The following TBC1D22A variants were observed in gnomAD, a reference collection of about 807,000 sequenced individuals.
TBC1D22A encodes the protein putative GTPase activator.
Under a neutral mutation model 60.2 loss-of-function variants are expected in TBC1D22A, and 38 were observed. The observed-to-expected ratio is 0.63, with a 90% CI of 0.49 to 0.83. TBC1D22A has a LOEUF of 0.83. TBC1D22A is among the 40% of genes least tolerant of loss of function. TBC1D22A has a pLI of 0.00. For synonymous variants in TBC1D22A, 302 were observed against 281.7 expected, an observed-to-expected ratio of 1.07 and a Z score of -0.72; for missense variants, 628 against 701.0, an observed-to-expected ratio of 0.90 and a Z score of 1.18.
At chr22:47,135,243 A>C (rs751682045) in intron 12 of TBC1D22A, among the ~76,000 whole-genome samples, 4 of 152,088 alleles carry the variant, frequency 2.6e-5, no homozygotes, top group Non-Finnish European at 5.9e-5. Context: ...GCTTCCCGTC[A>C]TCCCAGTTAA....
In TBC1D22A at chr22:46,848,056, G is replaced by A. The variant is rs2087102059; in HGVS notation, c.638-30597G>A. On this transcript the variant is annotated intron_variant, in intron 4 of 12. Transcript: ENST00000337137. ...TCTGGGTGACATTCCTTCTTAGAAG[G>A]GAGGGGTTGGGAAACTATTAAATAG... Among the ~76,000 whole-genome samples the A allele has an allele frequency of 4.0e-5, 6 of 151,068 alleles. No individual in the cohort carries two copies. In the South Asian group the frequency reaches 1.2e-3, roughly 31 times the overall value.
chr22:47,124,608 G>A (rs994274772), intron 12 of TBC1D22A, among the ~76,000 whole-genome samples: 2 of 152,236 alleles, frequency 1.3e-5, no homozygotes, highest in Non-Finnish European at 2.9e-5. Flanking sequence ...AGCTGGGCAC[G>A]GGGTGCTGCC....
At chr22:46,771,235 C>T (rs1056028039) in intron 1 of TBC1D22A, among the ~76,000 whole-genome samples, 2 of 152,164 alleles carry the variant, frequency 1.3e-5, no homozygotes, top group African/African-American at 4.8e-5. Flanking sequence ...GGAAGTACCC[C>T]ATCGCCTCCA....
At chr22:46,974,767 G>A (rs980525654) in intron 9 of TBC1D22A, among the ~76,000 whole-genome samples, 5 of 152,212 alleles carry the variant, frequency 3.3e-5, no homozygotes, top group Admixed American at 6.5e-5. Context: ...GCCTCAGATC[G>A]GGGGCCACAG....
intron 12 of TBC1D22A, among the ~76,000 whole-genome samples, chr22:47,170,419 A>G (rs2068386350): frequency 6.6e-6 from 1 of 152,244 alleles, no homozygotes; most frequent in South Asian, 2.1e-4. Flanking sequence ...CATCCATGTA[A>G]GTTGCATCTA....
chr22:47,053,953 C>T (rs1005038823), intron 11 of TBC1D22A, among the ~76,000 whole-genome samples: 1 of 152,240 alleles, frequency 6.6e-6, no homozygotes, highest in Non-Finnish European at 1.5e-5. Context: ...GGGGCTATCA[C>T]TTCTCTGTTG....
In TBC1D22A at chr22:46,955,987, A is replaced by G. The variant is rs540320887; in HGVS notation, c.1016-18303A>G. 1.4e-4 allele frequency among the ~76,000 whole-genome samples: 22 copies of G among 152,356 alleles called. No homozygotes were observed. In the East Asian group the frequency reaches 3.9e-3, roughly 27 times the overall value. On this transcript the variant is annotated intron_variant, in intron 8 of 12. Transcript: ENST00000337137. ...AAGTTTAAAGCCATTGGGTACATTG[A>G]TTTCTGTGTCGCCCTAAACATGATT...
At chr22:47,001,012 G>T (rs1252288377) in intron 10 of TBC1D22A, among the ~76,000 whole-genome samples, 2 of 152,134 alleles carry the variant, frequency 1.3e-5, no homozygotes, top group Admixed American at 6.5e-5. Context: ...TCCCAAAGCT[G>T]GTTGTGGTTT....
intron 7 of TBC1D22A, among the ~76,000 whole-genome samples, chr22:46,908,307 G>T (rs974783113): frequency 6.6e-6 from 1 of 152,126 alleles, no homozygotes; most frequent in East Asian, 1.9e-4. Context: ...TGTGGGGTCC[G>T]CAGGTCTCCC....
chr22:47,145,396 G>A (rs375666447), intron 12 of TBC1D22A, among the ~76,000 whole-genome samples: 1 of 152,204 alleles, frequency 6.6e-6, no homozygotes, highest in Admixed American at 6.5e-5. Flanking sequence ...CCTCGGCCCA[G>A]AGTCCTTCTT....
At chr22:46,941,663 C>CGCGGAATATATATACGGAATATATATAT (rs2072117177) in intron 8 of TBC1D22A, among the ~76,000 whole-genome samples, 1 of 58,610 alleles carries the variant, frequency 1.7e-5, no homozygotes, top group African/African-American at 6.5e-5. Flanking sequence ...AATATATATA[C>CGCGGAATATATATACGGAATATATATAT]GCGGAATATA....
intron 11 of TBC1D22A, among the ~76,000 whole-genome samples, chr22:47,052,535 G>A (rs2063259702): frequency 6.6e-6 from 1 of 152,170 alleles, no homozygotes; most frequent in Admixed American, 6.5e-5. Flanking sequence ...ACAGTGGGGA[G>A]GGGACTCGCC....
At chr22:46,915,211 T>C (rs1477983783) in intron 8 of TBC1D22A, 2 of 356,684 alleles carry the variant, frequency 5.6e-6, no homozygotes, top group Non-Finnish European at 1.1e-5. Context: ...GTGGATGAGA[T>C]TGGAGGGTTT....
At chr22:47,118,027 G>A (rs1023971238) in intron 12 of TBC1D22A, among the ~76,000 whole-genome samples, 6 of 152,160 alleles carry the variant, frequency 3.9e-5, no homozygotes, top group Admixed American at 1.3e-4. Flanking sequence ...GGAAGCTGAG[G>A]TAAGAGAATC....
At chr22:47,044,198 G>A (rs764052723) in intron 11 of TBC1D22A, among the ~76,000 whole-genome samples, 2 of 152,178 alleles carry the variant, frequency 1.3e-5, no homozygotes, top group Admixed American at 6.5e-5. Flanking sequence ...GCCTCTGTCC[G>A]GTGCCGTGCT....
chr22:47,076,868 A>G (rs1392372326), intron 11 of TBC1D22A, among the ~76,000 whole-genome samples: 1 of 152,190 alleles, frequency 6.6e-6, no homozygotes, highest in Admixed American at 6.5e-5. Context: ...GGTGGCACAC[A>G]TCTTGATGCT....
At chr22:46,769,806 A>G (rs529813500) in intron 1 of TBC1D22A, among the ~76,000 whole-genome samples, 1 of 152,142 alleles carries the variant, frequency 6.6e-6, no homozygotes. Flanking sequence ...GAGAGAGGAA[A>G]CTGGTGGGCT....
chr22:46,810,342 T>G (rs2085328359), intron 4 of TBC1D22A, among the ~76,000 whole-genome samples: 1 of 152,176 alleles, frequency 6.6e-6, no homozygotes, highest in Non-Finnish European at 1.5e-5. Flanking sequence ...CATATTCGAG[T>G]AGATTTATAT....
At chr22:46,928,439 C>T (rs1213544704) in intron 8 of TBC1D22A, among the ~76,000 whole-genome samples, 1 of 152,116 alleles carries the variant, frequency 6.6e-6, no homozygotes, top group African/African-American at 2.4e-5. Flanking sequence ...GAATCATGAC[C>T]TAAATGTAAG....
Sources: gnomAD v4.1 joint callset for allele counts (sites outside exome capture counted in the v4.1 genomes callset) on GRCh38, gnomAD v4.1.1 for gene constraint, MANE v1.5 for transcripts, NCBI Gene and HGNC (gene_info 2026-07-23, HGNC 2026-07-21) for gene names.